Variants in SPIDR observed in about 807,000 individuals in gnomAD.
SPIDR encodes the protein DNA repair-scaffolding protein.
In SPIDR, 93 loss-of-function variants were observed where a neutral mutation model predicts 104.6. That is an observed-to-expected ratio of 0.89 (90% CI 0.75 to 1.06). The LOEUF (loss-of-function observed/expected upper bound fraction) is 1.06. Ranked by LOEUF, SPIDR falls within the 50% of genes least tolerant of loss-of-function variation. SPIDR has a pLI of 0.00. For synonymous variants in SPIDR, 431 were observed against 416.9 expected, an observed-to-expected ratio of 1.03 and a Z score of -0.41; for missense variants, 1,154 against 1,111.2, an observed-to-expected ratio of 1.04 and a Z score of -0.55.
chr8:47,502,591 C>G (rs1320263928), intron 8 of SPIDR, among the ~76,000 whole-genome samples: 1 of 152,094 alleles, frequency 6.6e-6, no homozygotes, highest in African/African-American at 2.4e-5. Flanking sequence ...AACCCAGCTC[C>G]TGGATTCATT....
chr8:47,300,504 T>G (rs2041870833), intron 5 of SPIDR, among the ~76,000 whole-genome samples: 1 of 152,240 alleles, frequency 6.6e-6, no homozygotes, highest in Non-Finnish European at 1.5e-5. Flanking sequence ...TGAATGTGTT[T>G]GCTCTTGCTT....
chr8:47,464,956 G>C (rs892739157), intron 8 of SPIDR, among the ~76,000 whole-genome samples: 1 of 151,834 alleles, frequency 6.6e-6, no homozygotes, highest in East Asian at 1.9e-4. Context: ...TTTAGATGAC[G>C]TTTCACCATG....
chr8:47,396,193 T>C (rs1370993493), intron 5 of SPIDR, among the ~76,000 whole-genome samples, 183 bp from the exon 6 acceptor site: 2 of 152,224 alleles, frequency 1.3e-5, no homozygotes, highest in Non-Finnish European at 2.9e-5. Context: ...CCCCTTCTTA[T>C]CTTTGTCTTG....
chr8:47,372,285 T>C (rs1347287116), intron 5 of SPIDR, among the ~76,000 whole-genome samples: 1 of 152,194 alleles, frequency 6.6e-6, no homozygotes, highest in African/African-American at 2.4e-5. Flanking sequence ...AATTAGTGTT[T>C]GATGGGTGAG....
intron 8 of SPIDR, among the ~76,000 whole-genome samples, chr8:47,549,521 T>A (rs1161870182): frequency 6.6e-6 from 1 of 152,252 alleles, no homozygotes; most frequent in Non-Finnish European, 1.5e-5. Context: ...TGATGGCCAG[T>A]GATGATGAGC....
At chr8:47,428,079 C>T (rs1015355751) in intron 7 of SPIDR, among the ~76,000 whole-genome samples, 3 of 152,186 alleles carry the variant, frequency 2.0e-5, no homozygotes, top group African/African-American at 2.4e-5. Context: ...TGCGCCACGA[C>T]GCCTGGCTAA....
rs150728219 is a variant in SPIDR at position 47,481,435 on chromosome 8, G to A, written c.1097+40893G>A. Among the ~76,000 whole-genome samples, 152 of 152,186 alleles carry A rather than the reference G, an allele frequency of 1.0e-3. 1 individual carries two copies. The highest frequency in any genetic ancestry group is 1.7e-3 in the Non-Finnish European group (119 of 68,010). On this transcript the variant is annotated intron_variant, in intron 8 of 19. Transcript: ENST00000297423. The stretch of plus-strand genomic sequence containing the variant: ...GCAGATCACTTGAGGCCAGGAGTTC[G>A]AGACCAGCCTGGCCAACATGGAGAA...
chr8:47,450,065 G>A (rs1280435265), intron 8 of SPIDR, among the ~76,000 whole-genome samples: 1 of 152,144 alleles, frequency 6.6e-6, no homozygotes, highest in Non-Finnish European at 1.5e-5. Context: ...TTGGGAGGCT[G>A]AGGTGGGAGA....
chr8:47,575,859 C>G (rs756292611), intron 8 of SPIDR, among the ~76,000 whole-genome samples: 4 of 149,992 alleles, frequency 2.7e-5, no homozygotes, highest in Non-Finnish European at 5.9e-5. Flanking sequence ...ACTTAGGAGG[C>G]TGAGGCAGGA....
Position 47,597,836 on chromosome 8 carries a change from C to T in SPIDR, c.1294-1110C>T, listed in dbSNP as rs185313143. On this transcript the variant is annotated intron_variant, in intron 9 of 19. Coordinates refer to ENST00000297423, the MANE Select transcript of SPIDR (RefSeq NM_001080394.4). ...TGTGGGCATGAATGGCCCCTGGGAC[C>T]ACCCTAAGCACTGAATGTTTGTGTG... is the stretch of plus-strand genomic sequence containing the variant. Among the ~76,000 whole-genome samples the T allele has an allele frequency of 2.4e-4, 36 of 152,250 alleles. No homozygotes were observed. In the East Asian group the frequency reaches 5.2e-3, roughly 22 times the overall value.
intron 10 of SPIDR, among the ~76,000 whole-genome samples, chr8:47,614,814 C>T (rs1202902564): frequency 2.0e-5 from 3 of 152,156 alleles, no homozygotes; most frequent in Admixed American, 2.0e-4. Context: ...ATATTCCCAT[C>T]AACAGTGTAA....
chr8:47,720,133 T>A (rs2083187035), intron 16 of SPIDR, among the ~76,000 whole-genome samples: 1 of 152,236 alleles, frequency 6.6e-6, no homozygotes, highest in Non-Finnish European at 1.5e-5. Flanking sequence ...TCAGATTAGC[T>A]TATTTCCGTT....
intron 5 of SPIDR, among the ~76,000 whole-genome samples, chr8:47,355,072 CAGCCTCTTG>C (rs2054256820): frequency 6.6e-6 from 1 of 152,126 alleles, no homozygotes; most frequent in Non-Finnish European, 1.5e-5. Context: ...TCTCCTGCCT[CAGCCTCTTG>C]AGTAGCTCGG....
At chr8:47,652,613 G>A (rs185818657) in intron 10 of SPIDR, among the ~76,000 whole-genome samples, 3 of 152,176 alleles carry the variant, frequency 2.0e-5, no homozygotes, top group Non-Finnish European at 4.4e-5. Flanking sequence ...ACTGAAAAAT[G>A]TATCAAAACA....
At chr8:47,534,595 A>G (rs954473969) in intron 8 of SPIDR, among the ~76,000 whole-genome samples, 1 of 152,156 alleles carries the variant, frequency 6.6e-6, no homozygotes, top group Non-Finnish European at 1.5e-5. Flanking sequence ...TTAAGAACAC[A>G]AAGAAGGAGA....
Position 47,296,221 on chromosome 8 carries a change from G to A in SPIDR, c.525+2191G>A, listed in dbSNP as rs983975361. On this transcript the variant is annotated intron_variant, in intron 5 of 19. Coordinates refer to ENST00000297423, the MANE Select transcript of SPIDR (RefSeq NM_001080394.4). ...TGTAGATATTTTCTCTCAATCCATG[G>A]CACATCTTTTGCTCTGTTGTTTCTT... is the stretch of plus-strand genomic sequence containing the variant. Among the ~76,000 whole-genome samples, 18 of 152,202 alleles carry A rather than the reference G, an allele frequency of 1.2e-4. No homozygotes were observed. In the East Asian group the frequency reaches 3.5e-3, roughly 29 times the overall value.
At chr8:47,592,949 C>T (rs897401138) in intron 8 of SPIDR, among the ~76,000 whole-genome samples, 2 of 151,942 alleles carry the variant, frequency 1.3e-5, no homozygotes, top group African/African-American at 4.8e-5. Flanking sequence ...TGCAATGGTG[C>T]GATCTTGGCT....
Position 47,735,441 on chromosome 8 carries a change from A to G in SPIDR, c.2739A>G (p.Ala913=), listed in dbSNP as rs750989811. 2 of 1,614,216 alleles carry G rather than the reference A, an allele frequency of 1.2e-6. No individual in the cohort carries two copies. Among genetic ancestry groups the G allele is most frequent in the Non-Finnish European group, 1.7e-6 (2 of 1,180,040 alleles). Residue 913 remains alanine (A), a synonymous_variant, in exon 20 of 20, where the codon GCA becomes GCG. Transcript: ENST00000297423. ...IELLSAGGAS[A]EH is the part of the protein sequence containing the mutation. ...TTCTGAGTGCAGGAGGGGCCTCTGC[A>G]GAACACTAGCGGTTGCCGCAGGATC...
intron 1 of SPIDR, among the ~76,000 whole-genome samples, chr8:47,265,228 C>A (rs981182590): frequency 3.7e-5 from 5 of 133,372 alleles, no homozygotes; most frequent in African/African-American, 1.5e-4. Context: ...CTTACTCTGT[C>A]GCCCAGGCTG....
Sources: gnomAD v4.1 joint callset for allele counts (sites outside exome capture counted in the v4.1 genomes callset) on GRCh38, gnomAD v4.1.1 for gene constraint, MANE v1.5 for transcripts, NCBI Gene and HGNC (gene_info 2026-07-23, HGNC 2026-07-21) for gene names.